Variants in DENND1A observed in about 807,000 individuals in gnomAD.
DENND1A encodes DENN domain-containing protein 1A.
DENND1A carries 51 observed loss-of-function variants against 113.7 expected under a neutral mutation model. The ratio of observed to expected loss-of-function variants is 0.45; its 90% confidence interval spans 0.36 to 0.57. The LOEUF is 0.57. Ranked by LOEUF, DENND1A falls within the 20% of genes least tolerant of loss-of-function variation. The pLI is 0.00. For missense variants in DENND1A, 1,258 were observed against 1,395.9 expected, an observed-to-expected ratio of 0.90 and a Z score of 1.57; for synonymous variants, 565 against 570.8, an observed-to-expected ratio of 0.99 and a Z score of 0.14.
At chr9:123,901,654 C>A (rs1264544359) in intron 1 of DENND1A, among the ~76,000 whole-genome samples, 1 of 152,176 alleles carries the variant, frequency 6.6e-6, no homozygotes, top group Non-Finnish European at 1.5e-5. Context: ...GAGTCCTCAT[C>A]ATGTGGTTGT....
At chr9:123,553,713 C>T (rs1003279345) in intron 13 of DENND1A, among the ~76,000 whole-genome samples, 12 of 152,240 alleles carry the variant, frequency 7.9e-5, no homozygotes, top group African/African-American at 2.4e-4. Context: ...TCTCACCTTG[C>T]GACGATAGGA....
chr9:123,886,711 T>C (rs929567019), intron 1 of DENND1A, among the ~76,000 whole-genome samples: 1 of 152,220 alleles, frequency 6.6e-6, no homozygotes, highest in Non-Finnish European at 1.5e-5. Context: ...AAAGCCTTTT[T>C]TTCCAGGCTG....
At chr9:123,561,156 G>A (rs1262999161) in intron 12 of DENND1A, among the ~76,000 whole-genome samples, 4 of 152,230 alleles carry the variant, frequency 2.6e-5, no homozygotes, top group African/African-American at 9.7e-5. Context: ...CTGTGCCGCA[G>A]ATTATTCCTC....
At position 123,422,575 on chromosome 9, in the gene DENND1A, T is replaced by C. The variant is rs1445366289; in HGVS notation, c.1489-10746A>G. Among the ~76,000 whole-genome samples, 1 of 152,070 alleles carries C rather than the reference T, an allele frequency of 6.6e-6. No individual in the cohort carries two copies. The highest frequency in any genetic ancestry group is 1.5e-5 in the Non-Finnish European group (1 of 68,006). On this transcript the variant is annotated intron_variant, in intron 19 of 23. Transcript: ENST00000394215. The surrounding 1 kb of genome is among the most constrained non-coding windows in gnomAD (Gnocchi z 4.8). ...ACCTGGTTTTAAAATTCCTGGACCT[T>C]GGAATACATTTCTATCTGTGTCAAA... is the stretch of plus-strand genomic sequence containing the variant.
intron 5 of DENND1A, among the ~76,000 whole-genome samples, chr9:123,708,154 G>T (rs1030105044): frequency 3.9e-5 from 6 of 152,212 alleles, no homozygotes; most frequent in Non-Finnish European, 7.4e-5. Context: ...AAAAAAAAGA[G>T]AAGAAAAAAT....
chr9:123,717,931 C>G (rs1231726280), intron 5 of DENND1A, among the ~76,000 whole-genome samples: 1 of 152,190 alleles, frequency 6.6e-6, no homozygotes, highest in Non-Finnish European at 1.5e-5. Context: ...ACATACAACT[C>G]TTAACAACTC....
chr9:123,396,410 G>C (rs796733037), intron 21 of DENND1A, among the ~76,000 whole-genome samples: 2 of 152,370 alleles, frequency 1.3e-5, no homozygotes, highest in African/African-American at 4.8e-5. Flanking sequence ...GAGGGAAAGT[G>C]CTCTACCCCT....
intron 2 of DENND1A, among the ~76,000 whole-genome samples, chr9:123,808,492 C>T (rs751417421): frequency 4.6e-5 from 7 of 151,782 alleles, no homozygotes; most frequent in African/African-American, 1.7e-4. Context: ...ATGATCCTCC[C>T]GCCTCAGCCT....
chr9:123,407,442 ACACT>A (rs756322323), intron 20 of DENND1A, among the ~76,000 whole-genome samples: 44 of 152,282 alleles, frequency 2.9e-4, no homozygotes, highest in African/African-American at 9.9e-4. Context: ...TATGACTCAC[ACACT>A]CACACACACA....
At chr9:123,779,706 C>T (rs1427420404) in intron 3 of DENND1A, among the ~76,000 whole-genome samples, 4 of 151,874 alleles carry the variant, frequency 2.6e-5, no homozygotes, top group Admixed American at 2.6e-4. Flanking sequence ...TGCCATGTTG[C>T]TCAGGCTGAC....
chr9:123,925,200 G>C (rs1012212804), intron 1 of DENND1A, among the ~76,000 whole-genome samples: 1 of 152,072 alleles, frequency 6.6e-6, no homozygotes, highest in Non-Finnish European at 1.5e-5. Flanking sequence ...TAAGTGCCAG[G>C]AATAAATGGT....
intron 4 of DENND1A, among the ~76,000 whole-genome samples, chr9:123,765,899 T>A (rs1828721254): frequency 1.3e-5 from 2 of 152,200 alleles, no homozygotes; most frequent in Non-Finnish European, 2.9e-5. Context: ...CCAGTGCCTT[T>A]CCTGGCCCTG....
At chr9:123,668,926 G>A (rs2063624648) in intron 7 of DENND1A, among the ~76,000 whole-genome samples, 1 of 152,206 alleles carries the variant, frequency 6.6e-6, no homozygotes, top group South Asian at 2.1e-4. Context: ...TAGAAGTTTA[G>A]TTGAGTAACA....
chr9:123,899,876 T>C (rs1041756212), intron 1 of DENND1A, among the ~76,000 whole-genome samples: 2 of 152,242 alleles, frequency 1.3e-5, no homozygotes, highest in Non-Finnish European at 2.9e-5. Flanking sequence ...TTCCAGGCTA[T>C]AACTACTTAT....
intron 13 of DENND1A, among the ~76,000 whole-genome samples, chr9:123,534,757 T>C (rs1342963081): frequency 1.3e-5 from 2 of 152,264 alleles, no homozygotes; most frequent in Admixed American, 1.3e-4. Flanking sequence ...AAACCATTCA[T>C]GTTAACTCTC....
rs886154925 is a variant in DENND1A, at chr9:123,492,726, A to G, written c.994-34829T>C. On this transcript the variant is annotated intron_variant, in intron 13 of 23. Transcript: ENST00000394215. ...CATCCCAAAGACAGTGCGACATGTG[A>G]TAATGACTGTGAAGCGCAGCTAAGC... is the stretch of plus-strand genomic sequence containing the variant. The G allele has an allele frequency of 3.9e-5, 6 of 152,372 alleles. No individual in the cohort carries two copies. In the South Asian group the frequency reaches 8.3e-4, roughly 21 times the overall value. 9.4% of individuals were successfully genotyped at this position (152,372 alleles called of 1,614,324 possible).
At chr9:123,833,122 C>CAAAAAAAAAAAAAAAAAAAAAAAAAAAA (rs1163844269) in intron 2 of DENND1A, among the ~76,000 whole-genome samples, 1 of 27,568 alleles carries the variant, frequency 3.6e-5, no homozygotes, top group Non-Finnish European at 7.3e-5. Context: ...GACCTCATCT[C>CAAAAAAAAAAAAAAAAAAAAAAAAAAAA]AAAAAAAAAA....
intron 3 of DENND1A, among the ~76,000 whole-genome samples, chr9:123,773,135 G>A (rs778738254): frequency 8.5e-5 from 13 of 152,166 alleles, no homozygotes; most frequent in Non-Finnish European, 1.6e-4. Flanking sequence ...AAGAGCAGAG[G>A]GGGCAGGGAG....
chr9:123,609,305 A>G, intron 11 of DENND1A, 131 bp downstream of exon 11: 5 of 966,324 alleles, frequency 5.2e-6, no homozygotes, highest in Non-Finnish European at 6.2e-6. Context: ...TCAGCTCTGT[A>G]CGCTGGGAGG....
Sources: gnomAD v4.1 joint callset for allele counts (sites outside exome capture counted in the v4.1 genomes callset) on GRCh38, gnomAD v4.1.1 for gene constraint, Gnocchi (gnomAD v3.1) non-coding constraint, MANE v1.5 for transcripts, NCBI Gene and HGNC (gene_info 2026-07-23, HGNC 2026-07-21) for gene names.